Variants in ZMYM5 observed in about 807,000 individuals in gnomAD.
ZMYM5 encodes the protein zinc finger MYM-type containing 5.
A neutral mutation model predicts 61.8 loss-of-function variants in ZMYM5; 41 were observed. The ratio of observed to expected loss-of-function variants is 0.66; its 90% CI spans 0.52 to 0.86. ZMYM5 has a LOEUF of 0.86. Among genes scored for constraint, ZMYM5 ranks in the 40% least tolerant of loss-of-function variants. The probability of loss-of-function intolerance (pLI) is 0.00; values close to 1 mark genes in which losing one functional copy is unlikely to be tolerated. For synonymous variants in ZMYM5, 257 were observed against 276.4 expected (o/e 0.93, Z 0.70); for missense variants, 706 against 786.7 (o/e 0.90, Z 1.23).
At chr13:19,854,351 G>A (rs1222585074) in intron 2 of ZMYM5, among the ~76,000 whole-genome samples, 1 of 152,266 alleles carries the variant, frequency 6.6e-6, no homozygotes, top group South Asian at 2.1e-4. Flanking sequence ...CCTGCTGGGC[G>A]TGGTGGCTCA....
intron 2 of ZMYM5, among the ~76,000 whole-genome samples, chr13:19,861,636 T>G (rs952800566): frequency 2.0e-5 from 3 of 152,142 alleles, no homozygotes; most frequent in African/African-American, 7.2e-5. Context: ...AATGGAAAAC[T>G]GTTTGATCAG....
In ZMYM5 at chr13:19,824,941, C is replaced by G. The variant is rs1466957275; in HGVS notation, c.1546G>C (p.Val516Leu). The G allele has an allele frequency of 1.5e-6, 2 of 1,364,392 alleles. No individual in the cohort carries two copies. Among genetic ancestry groups the G allele is most frequent in the South Asian group, 2.3e-5 (2 of 87,490 alleles). 84.5% of individuals were successfully genotyped at this position (1,364,392 alleles called of 1,614,324 possible). ...EKNFEDSIVP[V>L]VLSADPGTWP... Reference sequence around the variant, plus strand: ...GTACCTGGATCTGCGGAAAGCACAACTGGTACAATGGAGTCTTCAAAATTT... The same window carrying G: ...GTACCTGGATCTGCGGAAAGCACAAGTGGTACAATGGAGTCTTCAAAATTT... The change falls in exon 8 of 8, where the codon GTT (valine) becomes CTT (leucine). Residue 516 changes from valine to leucine, a missense_variant. Around this residue, in one of 2 missense-constraint regions of ZMYM5, gnomAD observed 226 missense variants for 325.0 expected, o/e 0.70. Transcript: ENST00000337963.
chr13:19,837,167 C>T (rs952606688), intron 6 of ZMYM5, among the ~76,000 whole-genome samples: 1 of 151,768 alleles, frequency 6.6e-6, no homozygotes, highest in African/African-American at 2.4e-5. Flanking sequence ...AAGTAGCTTG[C>T]GCCACCACAC....
At chr13:19,837,452 G>A (rs776016799) in intron 6 of ZMYM5, 174 of 1,563,052 alleles carry the variant, frequency 1.1e-4, no homozygotes, top group Non-Finnish European at 1.4e-4. Context: ...AGAAACAGAT[G>A]TGTACTTTCC....
chr13:19,861,419 T>C lies in ZMYM5; in HGVS notation c.-11+980A>G, dbSNP rs577791599. Among the ~76,000 whole-genome samples, 240 of 152,258 alleles carry C rather than the reference T, an allele frequency of 1.6e-3. 2 individuals are homozygous for C. The highest frequency in any genetic ancestry group is 2.2e-3 in the African/African-American group (93 of 41,544). ...CACCCACCTCAGCCTCCCAAAGTGG[T>C]TGGATGACAGGCATGAGCCACTGTG... On this transcript the variant is annotated intron_variant, in intron 2 of 7. Transcript: ENST00000337963.
At position 19,844,152 on chromosome 13, in the gene ZMYM5, A is replaced by AG. The variant is rs1286729008; in HGVS notation, c.587-5168_587-5167insC. Among the ~76,000 whole-genome samples, 8 of 151,460 alleles carry AG rather than the reference A, an allele frequency of 5.3e-5. 1 individual carries two copies. Among genetic ancestry groups the AG allele is most frequent in the Admixed American group, 5.3e-4 (8 of 15,180 alleles). On this transcript the variant is annotated intron_variant, in intron 4 of 7. Transcript: ENST00000337963. Reference sequence around the variant, plus strand: ...GACTCCGTCTCAAAAAAAAAAAAAAAAAAAAATTAGCTAGGTGTGGTGGTA... The same window carrying AG: ...GACTCCGTCTCAAAAAAAAAAAAAAAGAAAAAATTAGCTAGGTGTGGTGGTA...
intron 4 of ZMYM5, among the ~76,000 whole-genome samples, chr13:19,850,601 CAAATAAAT>C (rs369546833): frequency 5.3e-5 from 8 of 151,204 alleles, no homozygotes; most frequent in South Asian, 2.1e-4. Flanking sequence ...AACTCTGTCT[CAAATAAAT>C]AAATAAATAA....
chr13:19,849,081 G>C (rs935388516), intron 4 of ZMYM5, among the ~76,000 whole-genome samples: 1 of 151,974 alleles, frequency 6.6e-6, no homozygotes, highest in Non-Finnish European at 1.5e-5. Context: ...AAAATACATA[G>C]GGGAATGAGT....
At chr13:19,832,926 G>C (rs1156907503) in intron 7 of ZMYM5, among the ~76,000 whole-genome samples, 1 of 128,572 alleles carries the variant, frequency 7.8e-6, no homozygotes, top group Non-Finnish European at 1.7e-5. Flanking sequence ...TAGAGATGGG[G>C]TCTTACTATG....
At chr13:19,825,385 C>A (rs1890861835) in intron 7 of ZMYM5, 150 bp from the exon 8 acceptor site, 2 of 754,596 alleles carry the variant, frequency 2.7e-6, no homozygotes, top group Non-Finnish European at 3.6e-6. Flanking sequence ...TGGTTCATGC[C>A]TGTAATCCCA....
At chr13:19,851,604 C>T in intron 3 of ZMYM5, 85 bp downstream of exon 3, 6 of 1,548,064 alleles carry the variant, frequency 3.9e-6, no homozygotes, top group Non-Finnish European at 5.2e-6. Flanking sequence ...GAGCTTATAC[C>T]TGTTTCTAAG....
intron 2 of ZMYM5, among the ~76,000 whole-genome samples, chr13:19,857,861 TAA>T (rs1287254955): frequency 6.7e-6 from 1 of 150,090 alleles, no homozygotes; most frequent in African/African-American, 2.5e-5. Context: ...TACAAAAATT[TAA>T]AAAGTCCAAC....
In ZMYM5 at chr13:19,837,345, C is replaced by A. The variant is rs193051488; in HGVS notation, c.1038+311G>T. 2.5e-6 allele frequency: 3 copies of A among 1,182,226 alleles called. No homozygotes were observed. The African/African-American group carries it at 4.9e-5, about 19-fold the overall frequency. 73.2% of individuals were successfully genotyped at this position (1,182,226 alleles called of 1,614,324 possible). A position where few individuals can be genotyped will look rare whatever the true frequency, so the allele number is the denominator to read the frequency against. On this transcript the variant is annotated intron_variant, in intron 6 of 7. Transcript: ENST00000337963. ...CAAGGGGTAGTTTTCCAGCCCTTGA[C>A]CCCCAACTCTTGAGACTACATTTTT...
rs1890787033 is a variant in ZMYM5, at chr13:19,824,065, C to T, written c.*412G>A. 6.6e-6 allele frequency: 1 copy of T among 152,440 alleles called. No homozygotes were observed. 9.4% of individuals were successfully genotyped at this position (152,440 alleles called of 1,614,324 possible). On this transcript the variant is annotated 3_prime_UTR_variant, in exon 8 of 8. Transcript: ENST00000337963. ...CGTTGGCCAGGCTGGTCTTGAACTT[C>T]TGACCTCAATTGATCTACCCGCCTG...
At chr13:19,831,671 G>A (rs1276836454) in intron 7 of ZMYM5, among the ~76,000 whole-genome samples, 5 of 149,984 alleles carry the variant, frequency 3.3e-5, no homozygotes, top group East Asian at 2.0e-4. Context: ...ATGGTGATGC[G>A]CACCTGTAAT....
intron 4 of ZMYM5, among the ~76,000 whole-genome samples, chr13:19,848,220 G>C (rs895232141): frequency 1.4e-4 from 22 of 151,804 alleles, no homozygotes. Flanking sequence ...CCTGACCTCA[G>C]GTGATCCGAC....
intron 2 of ZMYM5, among the ~76,000 whole-genome samples, chr13:19,859,075 T>C (rs899661111): frequency 6.6e-6 from 1 of 151,780 alleles, no homozygotes; most frequent in African/African-American, 2.4e-5. Flanking sequence ...GAGGTTGCAG[T>C]GAGCCGAGAT....
intron 4 of ZMYM5, among the ~76,000 whole-genome samples, chr13:19,849,489 T>C (rs1004377447): frequency 6.6e-6 from 1 of 152,022 alleles, no homozygotes; most frequent in South Asian, 2.1e-4. Flanking sequence ...TACAAAACAA[T>C]ATAAAAAGTG....
intron 2 of ZMYM5, among the ~76,000 whole-genome samples, chr13:19,859,472 G>A (rs1953644175): frequency 6.6e-6 from 1 of 151,988 alleles, no homozygotes. Context: ...GCGCGATCTT[G>A]GCTCACTGCA....
Sources: allele counts gnomAD v4.1 joint callset (sites outside exome capture counted in the v4.1 genomes callset), GRCh38; gene constraint gnomAD v4.1.1; regional missense constraint gnomAD v4.1.1; transcripts MANE v1.5; gene names NCBI Gene and HGNC (gene_info 2026-07-23, HGNC 2026-07-21).